Variants in SLC30A10 observed in about 807,000 individuals in gnomAD.
SLC30A10 encodes calcium/manganese antiporter SLC30A10.
SLC30A10 carries 8 observed loss-of-function variants against 21.7 expected under a neutral mutation model. That is an observed-to-expected ratio of 0.37 (90% CI 0.22 to 0.67). The LOEUF (loss-of-function observed/expected upper bound fraction) is 0.67. SLC30A10 is among the 30% of genes least tolerant of loss of function. SLC30A10 has a pLI of 0.58. For missense variants in SLC30A10, 521 were observed against 642.5 expected (o/e 0.81, Z 2.04); for synonymous variants, 272 against 279.4 (o/e 0.97, Z 0.26).
rs530126935 is a variant in SLC30A10, at chr1:219,912,751, G to A, written c.*2698C>T. 8.6e-5 allele frequency among the ~76,000 whole-genome samples: 13 copies of A among 152,016 alleles called. No homozygotes were observed. Among genetic ancestry groups the A allele is most frequent in the African/African-American group, 2.2e-4 (9 of 41,480 alleles). On this transcript the variant is annotated 3_prime_UTR_variant, in exon 4 of 4. Transcript: ENST00000366926. ...CGGGAGGCTGAGGCAGGAGAATGGC[G>A]TGAACCCAGGAGGCAGAGCTTGCAG...
At chr1:219,957,505 T>C (rs1421049361) in intron 1 of SLC30A10, among the ~76,000 whole-genome samples, 2 of 152,208 alleles carry the variant, frequency 1.3e-5, no homozygotes, top group Non-Finnish European at 2.9e-5. Context: ...AAATACCGGA[T>C]TGCCATGTAG....
chr1:219,925,660 T>TATATAGA (rs1659804011), intron 2 of SLC30A10, among the ~76,000 whole-genome samples: 1 of 107,794 alleles, frequency 9.3e-6, no homozygotes, highest in Non-Finnish European at 1.9e-5. Flanking sequence ...TATTTTTTTT[T>TATATAGA]TTTTTTTTTT....
chr1:219,920,158 T>C (rs137856067), intron 2 of SLC30A10, among the ~76,000 whole-genome samples: 1 of 152,274 alleles, frequency 6.6e-6, no homozygotes, highest in East Asian at 1.9e-4. Flanking sequence ...TTACTTATGA[T>C]AATAAGATCT....
At position 219,915,576 on chromosome 1, in the gene SLC30A10, C is replaced by A. The variant is rs377534021; in HGVS notation, c.1331G>T (p.Gly444Val). 4.3e-6 allele frequency: 7 copies of A among 1,614,230 alleles called. No individual in the cohort carries two copies. The African/African-American group carries it at 8.0e-5, about 18-fold the overall frequency. Residue 444 changes from glycine (G) to valine (V), a missense_variant, in exon 4 of 4, where the codon GGC becomes GTC. Coordinates refer to ENST00000366926, the MANE Select transcript of SLC30A10 (RefSeq NM_018713.3). Reference sequence around the variant, plus strand: ...TTCTCTTGCGTCTCTTCTACTGAGGCCATCACTTCCGTATGTGTCTAGAGA... The same window carrying A: ...TTCTCTTGCGTCTCTTCTACTGAGGACATCACTTCCGTATGTGTCTAGAGA... ...GPSLDTYGSD[G>V]LSRRDAREVA... is the part of the protein sequence containing the mutation.
intron 1 of SLC30A10, among the ~76,000 whole-genome samples, chr1:219,946,765 T>G (rs989017572): frequency 3.3e-5 from 5 of 152,130 alleles, no homozygotes; most frequent in Non-Finnish European, 7.4e-5. Flanking sequence ...GTGAGTTTAC[T>G]CCACAGAATT....
At position 219,939,097 on chromosome 1, in the gene SLC30A10, G is replaced by A. The variant is rs539450136; in HGVS notation, n.81-11992C>T. Among the ~76,000 whole-genome samples, 37 of 152,182 alleles carry A rather than the reference G, an allele frequency of 2.4e-4. 1 individual carries two copies. The highest frequency in any genetic ancestry group is 4.4e-4 in the Non-Finnish European group (30 of 68,032). The stretch of plus-strand genomic sequence containing the variant: ...ACAGGCAGACTAAGTTAGAGGATTG[G>A]AGAGCTTTCTTGGGGCTAGAAAGAT... On this transcript the variant is annotated intron_variant and non_coding_transcript_variant, in intron 1 of 8. Transcript: ENST00000484239.
In SLC30A10 at chr1:219,927,032, G is replaced by C; in HGVS notation, c.714C>G (p.Ile238Met). Residue 238 changes from isoleucine (I) to methionine (M), a missense_variant, in exon 2 of 4, where the codon ATC becomes ATG. Ile to Met is a conservative substitution (Grantham distance 10, BLOSUM62 1). Transcript: ENST00000366926. ...KKEKKSEALN[I>M]RGVLLHVMGD... ...TAGGCCCAAAGTCAATCCTACCTCT[G>C]ATATTCAGAGCTTCAGACTTTTTCT... 6.2e-7 allele frequency: 1 copy of C among 1,611,502 alleles called. No homozygotes were observed. The highest frequency in any genetic ancestry group is 8.5e-7 in the Non-Finnish European group (1 of 1,177,840).
chr1:219,924,099 T>A (rs1250402855), intron 2 of SLC30A10, among the ~76,000 whole-genome samples: 1 of 152,206 alleles, frequency 6.6e-6, no homozygotes, highest in Non-Finnish European at 1.5e-5. Context: ...ACTCATTTTT[T>A]AAATTCCCAT....
At chr1:219,925,924 G>A (rs1271562298) in intron 2 of SLC30A10, among the ~76,000 whole-genome samples, 7 of 151,630 alleles carry the variant, frequency 4.6e-5, no homozygotes, top group African/African-American at 1.5e-4. Context: ...GCCTCCCAAA[G>A]TGCTGGGATT....
upstream of SLC30A10, among the ~76,000 whole-genome samples, chr1:219,930,129 A>G (rs1473555938): frequency 2.0e-5 from 3 of 152,078 alleles, no homozygotes; most frequent in Admixed American, 1.3e-4. Flanking sequence ...TTGGCTTAGA[A>G]ATGAATACAA....
chr1:219,952,591 T>G (rs1224966832), intron 1 of SLC30A10, among the ~76,000 whole-genome samples: 1 of 152,200 alleles, frequency 6.6e-6, no homozygotes, highest in Non-Finnish European at 1.5e-5. Flanking sequence ...CTGAACCTGT[T>G]TTCCTTGTCT....
At chr1:219,939,034 C>A (rs1660082072) in intron 1 of SLC30A10, among the ~76,000 whole-genome samples, 1 of 152,052 alleles carries the variant, frequency 6.6e-6, no homozygotes, top group South Asian at 2.1e-4. Flanking sequence ...TATTACTGTG[C>A]AAAGAAAATG....
chr1:219,939,841 C>A lies in SLC30A10; in HGVS notation n.81-12736G>T, dbSNP rs558073317. The stretch of plus-strand genomic sequence containing the variant: ...TTAACCATGGACCCATTCAAGGTGA[C>A]AAGATCCTGGACTTGGAGCTCATGC... On this transcript the variant is annotated intron_variant and non_coding_transcript_variant, in intron 1 of 8. Transcript: ENST00000484239. 8.5e-5 allele frequency among the ~76,000 whole-genome samples: 13 copies of A among 152,316 alleles called. No homozygotes were observed. The South Asian group carries it at 1.2e-3, about 15-fold the overall frequency.
chr1:219,941,301 T>G (rs953297969), intron 1 of SLC30A10, among the ~76,000 whole-genome samples: 5 of 152,200 alleles, frequency 3.3e-5, no homozygotes, highest in Non-Finnish European at 2.9e-5. Flanking sequence ...CTCAGGAGTT[T>G]GCTAAGGCTG....
chr1:219,929,356 G>A (rs750482288), upstream of SLC30A10, among the ~76,000 whole-genome samples: 4 of 152,168 alleles, frequency 2.6e-5, no homozygotes, highest in African/African-American at 4.8e-5. Flanking sequence ...CTTTGTGGTA[G>A]ACACAAGTCC....
chr1:219,915,829 G>C lies in SLC30A10; in HGVS notation c.1078C>G (p.Gln360Glu), dbSNP rs780471993. The change falls in exon 4 of 4, where the codon CAA becomes GAA. Residue 360 changes from glutamine (Q) to glutamate (E), a missense_variant. By Grantham distance (29) the Gln-to-Glu change is conservative. Transcript: ENST00000366926. The stretch of plus-strand genomic sequence containing the variant: ...TCTCGAATTTTTGTGCTGGCATCTT[G>C]ATATCCCCTGTCCTTAGGATACTTG... ...HIKYPKDRGY[Q>E]DASTKIREIF... 3.1e-6 allele frequency: 5 copies of C among 1,614,208 alleles called. No individual in the cohort carries two copies. In the Admixed American group the frequency reaches 5.0e-5, roughly 16 times the overall value.
intron 2 of SLC30A10, among the ~76,000 whole-genome samples, chr1:219,919,820 C>G (rs930561296): frequency 1.7e-4 from 26 of 149,120 alleles, no homozygotes; most frequent in African/African-American, 6.2e-4. Context: ...AATGCACATA[C>G]AAGTTTCCAA....
At chr1:219,944,022 C>A (rs1461598186) in intron 1 of SLC30A10, among the ~76,000 whole-genome samples, 2 of 150,694 alleles carry the variant, frequency 1.3e-5, no homozygotes, top group Non-Finnish European at 1.5e-5. Flanking sequence ...ATGGCGTGAA[C>A]CCAGGAGGTG....
At chr1:219,949,530 T>C (rs934028640) in intron 1 of SLC30A10, among the ~76,000 whole-genome samples, 3 of 152,046 alleles carry the variant, frequency 2.0e-5, no homozygotes, top group African/African-American at 2.4e-5. Flanking sequence ...CACCGCATAT[T>C]CTCACTCATA....
Sources: allele counts gnomAD v4.1 joint callset (sites outside exome capture counted in the v4.1 genomes callset), GRCh38; gene constraint gnomAD v4.1.1; transcripts MANE v1.5; gene names NCBI Gene and HGNC (gene_info 2026-07-23, HGNC 2026-07-21).